The following MLLT1 variants were observed in gnomAD, a reference collection of about 807,000 sequenced individuals.
MLLT1 encodes protein ENL.
MLLT1 carries 11 observed loss-of-function variants against 55.1 expected under a neutral mutation model. The observed-to-expected ratio is 0.20, with a 90% CI of 0.13 to 0.33. The LOEUF is 0.33. Among genes scored for constraint, MLLT1 ranks in the 10% least tolerant of loss-of-function variants. The pLI, the probability that MLLT1 is intolerant of heterozygous loss-of-function variation, is 1.00. For missense variants in MLLT1, 536 were observed against 760.6 expected (o/e 0.70, Z 3.47); for synonymous variants, 323 against 320.1 (o/e 1.01, Z -0.10).
intron 3 of MLLT1, among the ~76,000 whole-genome samples, chr19:6,234,951 G>T (rs950253035): frequency 6.6e-6 from 1 of 151,796 alleles, no homozygotes; most frequent in Non-Finnish European, 1.5e-5. Context: ...AGAGACTAAG[G>T]GATTATTAAT....
intron 2 of MLLT1, among the ~76,000 whole-genome samples, chr19:6,269,906 G>A (rs1377630145): frequency 2.0e-5 from 3 of 152,108 alleles, no homozygotes; most frequent in East Asian, 1.9e-4. Flanking sequence ...AAGTAGACGC[G>A]GCCCCAGCCC....
At position 6,227,112 on chromosome 19, in the gene MLLT1, G is replaced by A; in HGVS notation, c.421-10C>T. On this transcript the variant is annotated splice_polypyrimidine_tract_variant and intron_variant, in intron 4 of 11. Transcript: ENST00000252674. The surrounding 1 kb of genome is among the most constrained non-coding windows in gnomAD (Gnocchi z 5.1). ...CGGGCATTACCATCACCTAGTGACA[G>A]AGAAGAGACAGTCATTATCGATGGG... is the stretch of plus-strand genomic sequence containing the variant. The A allele has an allele frequency of 6.3e-7, 1 of 1,591,560 alleles. No individual in the cohort carries two copies. The highest frequency in any genetic ancestry group is 1.1e-5 in the South Asian group (1 of 87,500).
chr19:6,269,834 TTTATCGAA>T (rs2091380709), intron 2 of MLLT1, among the ~76,000 whole-genome samples: 2 of 152,172 alleles, frequency 1.3e-5, no homozygotes, highest in African/African-American at 2.4e-5. Context: ...CCAAGAAGCA[TTTATCGAA>T]CCCCTGTGAT....
intron 3 of MLLT1, among the ~76,000 whole-genome samples, chr19:6,239,843 T>G (rs1202092036): frequency 6.6e-6 from 1 of 152,214 alleles, no homozygotes; most frequent in East Asian, 1.9e-4. Flanking sequence ...GAGAACTGTT[T>G]TGGCAGGACA....
intron 8 of MLLT1, 79 bp from the exon 9 acceptor site, chr19:6,214,117 C>T: frequency 1.1e-6 from 1 of 909,418 alleles, no homozygotes; most frequent in Non-Finnish European, 1.5e-6. Flanking sequence ...AAGCCTCTGC[C>T]CCGCACGGAG....
rs1226124324 is a variant in MLLT1, at chr19:6,229,638, C to T, written c.420+932G>A. ...ACACACACGCCATGCACACACCATA[C>T]ATGACACAGCAGACAGCGTATGTAC... On this transcript the variant is annotated intron_variant, in intron 4 of 11. Coordinates refer to ENST00000252674, the MANE Select transcript of MLLT1 (RefSeq NM_005934.4). This position sits in a 1 kb window ranked among gnomAD's most constrained non-coding sequence, Gnocchi z 5.2. Among the ~76,000 whole-genome samples the T allele has an allele frequency of 6.6e-6, 1 of 151,758 alleles. No homozygotes were observed. Among genetic ancestry groups the T allele is most frequent in the Non-Finnish European group, 1.5e-5 (1 of 67,914 alleles).
At position 6,227,766 on chromosome 19, in the gene MLLT1, GTTC is replaced by G. The variant is rs2144871447; in HGVS notation, c.421-667_421-665del. Among the ~76,000 whole-genome samples the G allele has an allele frequency of 6.6e-6, 1 of 152,330 alleles. No individual in the cohort carries two copies. The highest frequency in any genetic ancestry group is 2.4e-5 in the African/African-American group (1 of 41,572). On this transcript the variant is annotated intron_variant, in intron 4 of 11. Coordinates refer to ENST00000252674, the MANE Select transcript of MLLT1 (RefSeq NM_005934.4). The surrounding 1 kb of genome is among the most constrained non-coding windows in gnomAD (Gnocchi z 5.1). ...CCATCAGAGGCTACGGATGACGAAA[GTTC>G]TGGGGTCCTTCCAGGAGGGCTCCCA...
At chr19:6,254,806 T>G (rs2091245254) in intron 3 of MLLT1, among the ~76,000 whole-genome samples, 1 of 152,194 alleles carries the variant, frequency 6.6e-6, no homozygotes, top group Admixed American at 6.5e-5. Flanking sequence ...CCACGCGGGA[T>G]GCCCACCCTC....
intron 3 of MLLT1, among the ~76,000 whole-genome samples, chr19:6,232,698 C>T (rs183208937): frequency 1.2e-3 from 180 of 152,188 alleles, no homozygotes; most frequent in African/African-American, 4.0e-3. Context: ...GGTACCTTGG[C>T]GGGTGGGAAG....
chr19:6,224,523 A>G (rs1379813859), intron 5 of MLLT1, among the ~76,000 whole-genome samples: 1 of 152,236 alleles, frequency 6.6e-6, no homozygotes, highest in East Asian at 1.9e-4. Flanking sequence ...CCGGGGTCAC[A>G]GCCACCAAGG....
chr19:6,265,071 A>AAAG, intron 2 of MLLT1, among the ~76,000 whole-genome samples: 1 of 147,928 alleles, frequency 6.8e-6, no homozygotes, highest in African/African-American at 2.5e-5. Context: ...AAAACAAAAA[A>AAAG]AAACATGATG....
At chr19:6,255,330 T>C (rs1267359682) in intron 3 of MLLT1, among the ~76,000 whole-genome samples, 1 of 152,082 alleles carries the variant, frequency 6.6e-6, no homozygotes, top group Non-Finnish European at 1.5e-5. Context: ...TCATCTCTAC[T>C]AAAAATACAA....
chr19:6,234,099 A>G (rs2091037846), intron 3 of MLLT1, among the ~76,000 whole-genome samples: 1 of 152,198 alleles, frequency 6.6e-6, no homozygotes, highest in Non-Finnish European at 1.5e-5. Flanking sequence ...GGGCTGAAGG[A>G]TGGCCAGGAG....
At chr19:6,233,051 T>C (rs1263571317) in intron 3 of MLLT1, among the ~76,000 whole-genome samples, 2 of 152,136 alleles carry the variant, frequency 1.3e-5, no homozygotes, top group African/African-American at 4.8e-5. Flanking sequence ...TCTCAGCCCT[T>C]TCCCCAGCAG....
chr19:6,228,453 G>A (rs1015422398), intron 4 of MLLT1, among the ~76,000 whole-genome samples: 1 of 152,190 alleles, frequency 6.6e-6, no homozygotes, highest in Non-Finnish European at 1.5e-5. Flanking sequence ...GTGCTGCCAG[G>A]AGGACCAGGC....
At chr19:6,278,932 G>A (rs1268956320) in intron 1 of MLLT1, among the ~76,000 whole-genome samples, 1 of 152,110 alleles carries the variant, frequency 6.6e-6, no homozygotes, top group African/African-American at 2.4e-5. Context: ...ACAAAGAGAG[G>A]GGACACTCCA....
chr19:6,258,091 C>T (rs932809743), intron 3 of MLLT1, among the ~76,000 whole-genome samples: 9 of 152,132 alleles, frequency 5.9e-5, no homozygotes, highest in Non-Finnish European at 1.2e-4. Flanking sequence ...CCTCAGAAAG[C>T]TAAACAGAAA....
intron 1 of MLLT1, among the ~76,000 whole-genome samples, chr19:6,272,802 G>C (rs1034957505): frequency 2.0e-5 from 3 of 152,238 alleles, no homozygotes; most frequent in African/African-American, 7.2e-5. Context: ...GGACAGGCCA[G>C]TTCCAGCATG....
Position 6,210,962 on chromosome 19 carries a change from G to GTATTTT in MLLT1, c.*2079_*2080insAAAATA, listed in dbSNP as rs2090761977. Reference sequence around the variant, plus strand: ...GGTGCTTCCGGAGGCCTTGGAAACGGCAGGAAGGGCCAGACGCCACCACCG... The same window carrying GTATTTT: ...GGTGCTTCCGGAGGCCTTGGAAACGGTATTTTCAGGAAGGGCCAGACGCCACCACCG... On this transcript the variant is annotated 3_prime_UTR_variant, in exon 12 of 12. Transcript: ENST00000252674. This position sits in a 1 kb window ranked among gnomAD's most constrained non-coding sequence, Gnocchi z 4.6. 1 of 230,414 alleles carries GTATTTT rather than the reference G, an allele frequency of 4.3e-6. No individual in the cohort carries two copies. Among genetic ancestry groups the GTATTTT allele is most frequent in the African/African-American group, 2.2e-5 (1 of 44,874 alleles). 14.3% of individuals were successfully genotyped at this position (230,414 alleles called of 1,614,324 possible).
Sources: gnomAD v4.1 joint callset for allele counts (sites outside exome capture counted in the v4.1 genomes callset) on GRCh38, gnomAD v4.1.1 for gene constraint, Gnocchi (gnomAD v3.1) non-coding constraint, MANE v1.5 for transcripts, NCBI Gene and HGNC (gene_info 2026-07-23, HGNC 2026-07-21) for gene names.